ERICH1: variants seen among roughly 807,000 people sequenced by gnomAD.
The protein encoded by ERICH1 is glutamate-rich protein 1.
ERICH1 carries 56 observed loss-of-function variants against 39.6 expected under a neutral mutation model. The ratio of observed to expected loss-of-function variants is 1.41; its 90% confidence interval spans 1.14 to 1.77. ERICH1 has a LOEUF of 1.77. Among genes scored for constraint, ERICH1 ranks in the 40% most tolerant of loss-of-function variants. The pLI is 0.00. For missense variants in ERICH1, 826 were observed against 575.4 expected (o/e 1.44, Z -4.45); for synonymous variants, 313 against 223.6 (o/e 1.40, Z -3.57).
At chr8:624,847 C>A (rs890893326) in intron 3 of ERICH1, among the ~76,000 whole-genome samples, 4 of 152,180 alleles carry the variant, frequency 2.6e-5, no homozygotes, top group South Asian at 2.1e-4. Context: ...CTGCCTCAGC[C>A]TCCAGAGTAG....
intron 3 of ERICH1, chr8:615,437 C>T (rs1431526331): frequency 6.0e-6 from 3 of 501,296 alleles, no homozygotes; most frequent in Non-Finnish European, 3.5e-6. Context: ...GAACAATGAT[C>T]AAAGCAATGG....
At chr8:710,488 C>T (rs577498778) in intron 2 of ERICH1, among the ~76,000 whole-genome samples, 2 of 149,980 alleles carry the variant, frequency 1.3e-5, no homozygotes, top group African/African-American at 2.5e-5. Flanking sequence ...TTCCAGTCCT[C>T]GGCATCGTAC....
chr8:720,610 C>T (rs1463037189), intron 1 of ERICH1, among the ~76,000 whole-genome samples: 2 of 152,196 alleles, frequency 1.3e-5, no homozygotes, highest in Admixed American at 6.5e-5. Context: ...CGACGGTCAA[C>T]ACATAAAGGT....
intron 1 of ERICH1, among the ~76,000 whole-genome samples, chr8:729,799 G>A (rs11784674): frequency 0.45 from 67,761 of 151,982 alleles, 15,838 homozygotes; most frequent in Middle Eastern, 0.54. Flanking sequence ...ACTTTAATTT[G>A]GTGAATGGAG....
chr8:687,385 A>G (rs1229651525), intron 3 of ERICH1, among the ~76,000 whole-genome samples: 2 of 152,238 alleles, frequency 1.3e-5, no homozygotes, highest in African/African-American at 4.8e-5. Context: ...GCGCCAGGAT[A>G]AGGCTCCTCG....
At chr8:645,504 C>A (rs1799434869) in intron 3 of ERICH1, among the ~76,000 whole-genome samples, 2 of 27,684 alleles carry the variant, frequency 7.2e-5, no homozygotes, top group African/African-American at 2.5e-4. Context: ...CCTTACTGTC[C>A]CCCCCAAACC....
chr8:643,515 C>A (rs1420732053), intron 3 of ERICH1, among the ~76,000 whole-genome samples: 2 of 152,184 alleles, frequency 1.3e-5, no homozygotes, highest in Non-Finnish European at 2.9e-5. Context: ...CGTGCAGGGC[C>A]CTGGGCCGAA....
intron 3 of ERICH1, among the ~76,000 whole-genome samples, chr8:616,823 G>GAGAGA (rs1554476090): frequency 5.2e-5 from 4 of 76,248 alleles, no homozygotes; most frequent in Admixed American, 1.5e-4. Context: ...AGAGACGGGG[G>GAGAGA]GAGAGAGAGA....
At chr8:668,000 G>T (rs1403408131) in intron 5 of ERICH1, 2 of 156,516 alleles carry the variant, frequency 1.3e-5, no homozygotes, top group Non-Finnish European at 2.8e-5. Flanking sequence ...GGCCAGGTGG[G>T]CTGCTCTGCA....
chr8:629,076 T>C (rs1264895216), intron 3 of ERICH1, among the ~76,000 whole-genome samples: 4 of 152,050 alleles, frequency 2.6e-5, no homozygotes, highest in African/African-American at 9.7e-5. Flanking sequence ...CAGGACACAG[T>C]CCGAAGGTTG....
intron 3 of ERICH1, among the ~76,000 whole-genome samples, chr8:676,746 G>C (rs1804924264): frequency 6.6e-6 from 1 of 152,350 alleles, no homozygotes; most frequent in African/African-American, 2.4e-5. Context: ...CGGCTCCCGG[G>C]TGTTGCCCGA....
chr8:674,077 T>C (rs374458414), intron 3 of ERICH1, 30 bp from the exon 4 acceptor site: 2 of 1,510,550 alleles, frequency 1.3e-6, no homozygotes, highest in South Asian at 2.7e-5. Flanking sequence ...ATAACAATTT[T>C]CAGTACAATG....
At chr8:617,378 C>T (rs555219627) in intron 3 of ERICH1, among the ~76,000 whole-genome samples, 21 of 152,312 alleles carry the variant, frequency 1.4e-4, no homozygotes, top group Admixed American at 1.0e-3. Flanking sequence ...CCTGCCTCAC[C>T]GTTCTCAGCA....
intron 3 of ERICH1, among the ~76,000 whole-genome samples, chr8:691,712 T>C (rs933535484): frequency 1.3e-5 from 2 of 152,254 alleles, no homozygotes; most frequent in African/African-American, 4.8e-5. Context: ...TTCTGATCCT[T>C]TAATTTAGGA....
In ERICH1 at chr8:664,595, A is replaced by G. The variant is rs1291963263; in HGVS notation, c.*8T>C. 1 of 1,603,196 alleles carries G rather than the reference A, an allele frequency of 6.2e-7. No individual in the cohort carries two copies. Among genetic ancestry groups the G allele is most frequent in the African/African-American group, 1.3e-5 (1 of 74,408 alleles). The stretch of plus-strand genomic sequence containing the variant: ...AAAGAGGAGCTGTTCTTAAAGAGAT[A>G]TTCCATTTTAGTCACTGCTCTTCTC... On this transcript the variant is annotated 3_prime_UTR_variant, in exon 6 of 6. Coordinates refer to ENST00000262109, the MANE Select transcript of ERICH1 (RefSeq NM_207332.3).
intron 3 of ERICH1, among the ~76,000 whole-genome samples, chr8:677,826 G>A (rs78623007): frequency 0.014 from 2,111 of 152,126 alleles, 50 homozygotes; most frequent in African/African-American, 0.048. Context: ...TCACGGGGGC[G>A]ACCCTCATCA....
intron 3 of ERICH1, among the ~76,000 whole-genome samples, chr8:651,318 A>T (rs937258220): frequency 2.0e-5 from 3 of 152,190 alleles, no homozygotes; most frequent in African/African-American, 7.2e-5. Context: ...GTGGGAAAAG[A>T]GGGGAAGGGA....
intron 3 of ERICH1, among the ~76,000 whole-genome samples, chr8:635,593 C>A (rs991950223): frequency 2.6e-5 from 4 of 152,222 alleles, no homozygotes; most frequent in Non-Finnish European, 5.9e-5. Flanking sequence ...GCCGGCCCGG[C>A]CCCGACCTGC....
At chr8:697,253 G>C (rs906417863) in intron 2 of ERICH1, among the ~76,000 whole-genome samples, 1 of 152,164 alleles carries the variant, frequency 6.6e-6, no homozygotes, top group African/African-American at 2.4e-5. Context: ...AATGGCCCCA[G>C]GGGACAAGGC....
Sources: gnomAD v4.1 joint callset for allele counts (sites outside exome capture counted in the v4.1 genomes callset) on GRCh38, gnomAD v4.1.1 for gene constraint, MANE v1.5 for transcripts, NCBI Gene and HGNC (gene_info 2026-07-23, HGNC 2026-07-21) for gene names.